The following VPS53 variants were observed in gnomAD, a reference collection of about 807,000 sequenced individuals.
VPS53 encodes the protein VPS53 subunit of GARP complex.
Under a neutral mutation model 107.0 loss-of-function variants are expected in VPS53, and 70 were observed. The ratio of observed to expected loss-of-function variants is 0.65; its 90% CI spans 0.54 to 0.80. The LOEUF (loss-of-function observed/expected upper bound fraction) is 0.80. Among genes scored for constraint, VPS53 ranks in the 30% least tolerant of loss-of-function variants. VPS53 has a pLI of 0.00. For synonymous variants in VPS53, 409 were observed against 393.3 expected (o/e 1.04, Z -0.47); for missense variants, 917 against 1,049.4 (o/e 0.87, Z 1.74).
intron 13 of VPS53, among the ~76,000 whole-genome samples, chr17:568,171 G>A (rs1913714726): frequency 1.3e-5 from 2 of 152,318 alleles, no homozygotes; most frequent in South Asian, 4.1e-4. Context: ...GGGAGAGAAA[G>A]ACAGTAGCCA....
At chr17:630,212 A>C (rs1468840779) in intron 8 of VPS53, among the ~76,000 whole-genome samples, 3 of 152,024 alleles carry the variant, frequency 2.0e-5, no homozygotes, top group Non-Finnish European at 4.4e-5. Context: ...GAATCACTTG[A>C]ACCCAGGGGG....
At position 656,812 on chromosome 17, in the gene VPS53, G is replaced by A. The variant is rs544896003; in HGVS notation, c.373-859C>T. The A allele has an allele frequency of 7.7e-6, 12 of 1,560,476 alleles. No homozygotes were observed. The East Asian group carries it at 2.7e-4, about 35-fold the overall frequency. ...GACCATTTCACCCGCTGCTCTGTTT[G>A]GCCGCCAGTCTCTTGTCTCTCTCTT... On this transcript the variant is annotated intron_variant, in intron 5 of 21. Coordinates refer to ENST00000437048, the MANE Select transcript of VPS53 (RefSeq NM_001128159.3).
intron 17 of VPS53, among the ~76,000 whole-genome samples, chr17:541,304 G>T (rs766018562): frequency 3.9e-5 from 6 of 152,230 alleles, no homozygotes; most frequent in Non-Finnish European, 4.4e-5. Flanking sequence ...CCAAAGAGAT[G>T]AAGGAATGTT....
intron 7 of VPS53, among the ~76,000 whole-genome samples, chr17:645,660 C>G (rs902320872): frequency 1.1e-4 from 16 of 152,190 alleles, no homozygotes; most frequent in African/African-American, 3.6e-4. Context: ...GTTACAGATC[C>G]ATTTTGAGTT....
At chr17:638,911 C>T (rs1030299299) in intron 7 of VPS53, among the ~76,000 whole-genome samples, 1 of 152,122 alleles carries the variant, frequency 6.6e-6, no homozygotes, top group Non-Finnish European at 1.5e-5. Flanking sequence ...TTGCTCTTCT[C>T]GAGGAATATC....
rs1908026337 is a variant in VPS53, at chr17:512,725, AG to A, written c.*6402del. The A allele has an allele frequency of 2.0e-5, 3 of 152,232 alleles. No homozygotes were observed. The South Asian group carries it at 6.2e-4, about 32-fold the overall frequency. 9.4% of individuals were successfully genotyped at this position (152,232 alleles called of 1,614,324 possible). A position where few individuals can be genotyped will look rare whatever the true frequency, so the allele number is the denominator to read the frequency against. On this transcript the variant is annotated 3_prime_UTR_variant, in exon 22 of 22. Transcript: ENST00000437048. ...GTTGAAAGGACACAGGACTTCCCGA[AG>A]AGTTTTCATGGCAAAAACGTCCAAC... is the stretch of plus-strand genomic sequence containing the variant.
chr17:642,070 T>C (rs905374071), intron 7 of VPS53, among the ~76,000 whole-genome samples: 2 of 152,190 alleles, frequency 1.3e-5, no homozygotes, highest in South Asian at 2.1e-4. Flanking sequence ...GTGGATAAAG[T>C]AGCCCTGAGA....
chr17:685,055 T>A (rs1448306055), intron 4 of VPS53: 2 of 152,080 alleles, frequency 1.3e-5, no homozygotes, highest in Non-Finnish European at 2.9e-5. Flanking sequence ...GTCCTGATGA[T>A]CTTGGCGTAA....
chr17:537,181 A>G lies in VPS53; in HGVS notation c.1867-5T>C, dbSNP rs1910150167. The G allele has an allele frequency of 6.2e-7, 1 of 1,613,908 alleles. No individual in the cohort carries two copies. Among genetic ancestry groups the G allele is most frequent in the African/African-American group, 1.3e-5 (1 of 75,002 alleles). ...CTCCACGTTCTGCCACTGCATCTGAAAGGGAGAAAGGATGAGGCGTTGAAT... is the reference window on the plus strand; with the variant it reads ...CTCCACGTTCTGCCACTGCATCTGAGAGGGAGAAAGGATGAGGCGTTGAAT... On this transcript the variant is annotated splice_region_variant and splice_polypyrimidine_tract_variant and intron_variant, in intron 17 of 21. Transcript: ENST00000437048.
At position 714,825 on chromosome 17, in the gene VPS53, G is replaced by A. The variant is rs1265619227; in HGVS notation, c.-116C>T. The stretch of plus-strand genomic sequence containing the variant: ...GCAGCGACCTGGTGAGCCCGGCTCC[G>A]TCAGCCGCTCTGTCAGCCGCTCCGG... On this transcript the variant is annotated 5_prime_UTR_variant, in exon 1 of 22. It adds an upstream start codon to the 5' untranslated region. Transcript: ENST00000437048. 12 of 1,165,912 alleles carry A rather than the reference G, an allele frequency of 1.0e-5. No homozygotes were observed. Among genetic ancestry groups the A allele is most frequent in the East Asian group, 2.4e-5 (1 of 41,058 alleles). 72.2% of individuals were successfully genotyped at this position (1,165,912 alleles called of 1,614,324 possible).
At chr17:567,065 C>T (rs1913593717) in intron 13 of VPS53, among the ~76,000 whole-genome samples, 1 of 151,986 alleles carries the variant, frequency 6.6e-6, no homozygotes, top group African/African-American at 2.4e-5. Flanking sequence ...TGCTTCCAGG[C>T]GTGAGCCAAC....
intron 7 of VPS53, among the ~76,000 whole-genome samples, chr17:643,109 GACAACACTCACACTT>G (rs1970506561): frequency 7.9e-6 from 1 of 126,930 alleles, no homozygotes; most frequent in Non-Finnish European, 1.8e-5. Context: ...GGAAACCGAG[GACAACACTCACACTT>G]GGAAAGCGAG....
rs545731960 is a variant in VPS53, at chr17:662,877, G to C, written c.286-982C>G. Among the ~76,000 whole-genome samples, 587 of 141,202 alleles carry C rather than the reference G, an allele frequency of 4.2e-3. 3 individuals are homozygous for C. Among genetic ancestry groups the C allele is most frequent in the Admixed American group, 0.013 (191 of 14,206 alleles). 92.6% of individuals were successfully genotyped at this position (141,202 alleles called of 152,430 possible). On this transcript the variant is annotated intron_variant, in intron 4 of 21. Transcript: ENST00000437048. ...AGGAAGGAAGGAAGGAAGGAACGAA[G>C]GAAGGAAGGAAGGAAGGCAGGCAGG...
chr17:699,570 C>T (rs1973118806), intron 2 of VPS53, among the ~76,000 whole-genome samples, 190 bp from the exon 3 acceptor site: 1 of 151,678 alleles, frequency 6.6e-6, no homozygotes, highest in African/African-American at 2.4e-5. Flanking sequence ...AGCCCAGCCC[C>T]TGTTTTTTGT....
chr17:533,987 G>A (rs749296692), intron 18 of VPS53, among the ~76,000 whole-genome samples: 2 of 151,972 alleles, frequency 1.3e-5, no homozygotes, highest in Non-Finnish European at 2.9e-5. Flanking sequence ...CTACAGGCAC[G>A]CACCAGCATA....
At chr17:641,513 T>G (rs74609614) in intron 7 of VPS53, among the ~76,000 whole-genome samples, 1 of 152,262 alleles carries the variant, frequency 6.6e-6, no homozygotes, top group Non-Finnish European at 1.5e-5. Context: ...AGTACAGTGG[T>G]GCATTTGTGG....
chr17:598,869 T>TGG (rs1304710626), intron 12 of VPS53, among the ~76,000 whole-genome samples: 1 of 22,646 alleles, frequency 4.4e-5, no homozygotes, highest in African/African-American at 1.6e-4. Context: ...GGGAGGGAGG[T>TGG]GGGGGGGTCA....
intron 1 of VPS53, chr17:714,007 T>C (rs1184925027): frequency 1.4e-5 from 2 of 143,278 alleles, no homozygotes; most frequent in East Asian, 4.1e-4. Context: ...ATCGTGCCGT[T>C]GCACTCCAGC....
chr17:672,376 T>G (rs1396042004), intron 4 of VPS53, among the ~76,000 whole-genome samples: 1 of 152,182 alleles, frequency 6.6e-6, no homozygotes, highest in African/African-American at 2.4e-5. Context: ...TTTTGTCTTC[T>G]GCAACCAAGA....
Sources: gnomAD v4.1 joint callset for allele counts (sites outside exome capture counted in the v4.1 genomes callset) on GRCh38, gnomAD v4.1.1 for gene constraint, MANE v1.5 for transcripts, NCBI Gene and HGNC (gene_info 2026-07-23, HGNC 2026-07-21) for gene names.